DLGAP1: variants seen among roughly 807,000 people sequenced by gnomAD.
DLGAP1 encodes the protein disks large-associated protein 1.
Under a neutral mutation model 90.8 loss-of-function variants are expected in DLGAP1, and 11 were observed. The observed-to-expected ratio is 0.12, with a 90% CI of 0.08 to 0.20. The LOEUF (loss-of-function observed/expected upper bound fraction) is 0.20. DLGAP1 is among the 10% of genes least tolerant of loss of function. The probability of loss-of-function intolerance (pLI) is 1.00; values close to 1 mark genes in which losing one functional copy is unlikely to be tolerated. For missense variants in DLGAP1, 1,050 were observed against 1,333.8 expected (o/e 0.79, Z 3.31); for synonymous variants, 558 against 540.7 (o/e 1.03, Z -0.44).
At chr18:3,573,352 A>T (rs1294805190) in intron 8 of DLGAP1, among the ~76,000 whole-genome samples, 2 of 152,120 alleles carry the variant, frequency 1.3e-5, no homozygotes, top group Non-Finnish European at 2.9e-5. Flanking sequence ...AAATACAAAA[A>T]TTAGCCGGGC....
chr18:3,947,185 C>A (rs2148958376), intron 3 of DLGAP1, among the ~76,000 whole-genome samples: 1 of 152,256 alleles, frequency 6.6e-6, no homozygotes, highest in East Asian at 1.9e-4. Flanking sequence ...TTTTTACAAC[C>A]TAAGATCTTT....
intron 7 of DLGAP1, among the ~76,000 whole-genome samples, chr18:3,659,450 C>CCCA: frequency 6.8e-6 from 1 of 147,140 alleles, no homozygotes; most frequent in African/African-American, 2.6e-5. Context: ...CTACCACCCC[C>CCCA]CGCCGCCCCC....
chr18:3,807,662 C>A (rs58247754), intron 5 of DLGAP1, among the ~76,000 whole-genome samples: 115,474 of 151,512 alleles, frequency 0.76, 44,237 homozygotes, highest in African/African-American at 0.83. Context: ...AACGTGTGCT[C>A]TGGTGGTTTG....
intron 3 of DLGAP1, among the ~76,000 whole-genome samples, chr18:3,990,100 A>G (rs1434770993): frequency 1.3e-5 from 2 of 152,206 alleles, no homozygotes; most frequent in South Asian, 2.1e-4. Context: ...CTAGAACTAG[A>G]AATACCATTT....
At chr18:4,032,032 T>C (rs1191647949) in intron 2 of DLGAP1, among the ~76,000 whole-genome samples, 5 of 152,186 alleles carry the variant, frequency 3.3e-5, no homozygotes, top group African/African-American at 1.2e-4. Context: ...TTCCCGGTTT[T>C]GATACTTCAC....
intron 3 of DLGAP1, among the ~76,000 whole-genome samples, chr18:3,919,238 T>A (rs921298106): frequency 1.3e-5 from 2 of 152,186 alleles, no homozygotes; most frequent in Non-Finnish European, 2.9e-5. Context: ...TTACCTTTGT[T>A]TGAAGGTACC....
At position 4,255,409 on chromosome 18, in the gene DLGAP1, ACTCT is replaced by A. The variant is rs367968104; in HGVS notation, c.-266-104126_-266-104123del. On this transcript the variant is annotated intron_variant, in intron 1 of 12. Transcript: ENST00000315677. ...TTTGTTTCGACTTTCTTTTAAACTGACTCTCTCTCTATGTTACTCTCTCTCTTTG... is the reference window on the plus strand; with the variant it reads ...TTTGTTTCGACTTTCTTTTAAACTGACTCTCTATGTTACTCTCTCTCTTTG... Among the ~76,000 whole-genome samples the A allele has an allele frequency of 1.3e-3, 189 of 150,964 alleles. 1 individual carries two copies. Among genetic ancestry groups the A allele is most frequent in the South Asian group, 5.7e-3 (27 of 4,758 alleles).
At chr18:4,323,478 A>G (rs1352444671) in intron 1 of DLGAP1, among the ~76,000 whole-genome samples, 1 of 152,224 alleles carries the variant, frequency 6.6e-6, no homozygotes, top group Non-Finnish European at 1.5e-5. Context: ...AGGCATTTGT[A>G]TCCCCATGTT....
chr18:3,946,441 T>C (rs2072880298), intron 3 of DLGAP1, among the ~76,000 whole-genome samples: 1 of 152,210 alleles, frequency 6.6e-6, no homozygotes, highest in South Asian at 2.1e-4. Flanking sequence ...AAAAGGAAAT[T>C]AGCATCTTAC....
chr18:4,135,989 G>C (rs2076394093), intron 2 of DLGAP1, among the ~76,000 whole-genome samples: 1 of 151,628 alleles, frequency 6.6e-6, no homozygotes, highest in Non-Finnish European at 1.5e-5. Context: ...ATTTACATTA[G>C]GTATATCTCC....
intron 1 of DLGAP1, among the ~76,000 whole-genome samples, chr18:4,258,004 TGTGTGTGC>T (rs1218372573): frequency 7.6e-4 from 109 of 143,306 alleles, no homozygotes; most frequent in African/African-American, 3.2e-3. Flanking sequence ...TGTGTGTGTG[TGTGTGTGC>T]GCGCGCGCGC....
At chr18:3,627,874 CCTTTT>C (rs2058356081) in intron 7 of DLGAP1, among the ~76,000 whole-genome samples, 2 of 124,324 alleles carry the variant, frequency 1.6e-5, no homozygotes, top group Non-Finnish European at 3.2e-5. Flanking sequence ...CTCCTTCCTT[CCTTTT>C]TTTTTTTTTT....
chr18:4,264,464 A>T (rs2079064156), intron 1 of DLGAP1: 2 of 152,228 alleles, frequency 1.3e-5, no homozygotes, highest in Admixed American at 1.3e-4. Flanking sequence ...CTGCCCTTGC[A>T]TCAATAACTA....
Position 3,841,010 on chromosome 18 carries a change from T to C in DLGAP1, c.958-26737A>G, listed in dbSNP as rs114982876. Among the ~76,000 whole-genome samples, 1,399 of 152,348 alleles carry C rather than the reference T, an allele frequency of 9.2e-3. 19 individuals are homozygous for C. Among genetic ancestry groups the C allele is most frequent in the African/African-American group, 0.032 (1,350 of 41,578 alleles). On this transcript the variant is annotated intron_variant, in intron 4 of 12. Coordinates refer to ENST00000315677, the MANE Select transcript of DLGAP1 (RefSeq NM_004746.4). ...AAATTTCCCAGAAACTGCACATGTC[T>C]CTTCTCTAGCTGTACTTGTAGATAT...
At chr18:4,287,856 G>T (rs1381838352) in intron 1 of DLGAP1, among the ~76,000 whole-genome samples, 1 of 149,748 alleles carries the variant, frequency 6.7e-6, no homozygotes, top group Admixed American at 6.7e-5. Flanking sequence ...ATAATAATAA[G>T]AAAAATTTTA....
At chr18:4,249,207 A>G (rs1165078996) in intron 1 of DLGAP1, among the ~76,000 whole-genome samples, 2 of 152,204 alleles carry the variant, frequency 1.3e-5, no homozygotes, top group Non-Finnish European at 2.9e-5. Flanking sequence ...TGTGAACTAC[A>G]TGAGGACAAA....
At chr18:4,074,005 T>C (rs910968548) in intron 2 of DLGAP1, among the ~76,000 whole-genome samples, 2 of 152,170 alleles carry the variant, frequency 1.3e-5, no homozygotes, top group Non-Finnish European at 2.9e-5. Flanking sequence ...ATAGCCTATA[T>C]ATGAGCAGAT....
At chr18:3,745,901 C>A (rs3786447) in intron 5 of DLGAP1, among the ~76,000 whole-genome samples, 73,829 of 151,818 alleles carry the variant, frequency 0.49, 19,038 homozygotes, top group African/African-American at 0.65. Context: ...GTTGGCCAGG[C>A]TGGTCTTGAA....
intron 2 of DLGAP1, among the ~76,000 whole-genome samples, chr18:4,060,825 T>C (rs978191897): frequency 6.6e-6 from 1 of 152,140 alleles, no homozygotes; most frequent in African/African-American, 2.4e-5. Context: ...AAAAGAAAGA[T>C]GTTTTGGAGA....
Sources: gnomAD v4.1 joint callset for allele counts (sites outside exome capture counted in the v4.1 genomes callset) on GRCh38, gnomAD v4.1.1 for gene constraint, MANE v1.5 for transcripts, NCBI Gene and HGNC (gene_info 2026-07-23, HGNC 2026-07-21) for gene names.